MAP4K5: variants seen among roughly 807,000 people sequenced by gnomAD.
The protein encoded by MAP4K5 is MAPK/ERK kinase kinase kinase 5.
MAP4K5 carries 82 observed loss-of-function variants against 135.6 expected under a neutral mutation model. That is an observed-to-expected ratio of 0.60 (90% confidence interval 0.51 to 0.73). MAP4K5 has a LOEUF of 0.73. MAP4K5 is among the 30% of genes least tolerant of loss of function. The pLI, the probability that MAP4K5 is intolerant of heterozygous loss-of-function variation, is 0.00. For synonymous variants in MAP4K5, 347 were observed against 335.0 expected (o/e 1.04, Z -0.39); for missense variants, 907 against 1,010.9 (o/e 0.90, Z 1.39).
At chr14:50,456,327 A>G in intron 14 of MAP4K5, 189 bp downstream of exon 14, 1 of 549,690 alleles carries the variant, frequency 1.8e-6, no homozygotes. Flanking sequence ...CTGGAAAATA[A>G]AAATTATTCA....
In MAP4K5 at chr14:50,532,081, C is replaced by G. The variant is rs371876381; in HGVS notation, c.-32G>C. 1.5e-4 allele frequency: 202 copies of G among 1,351,778 alleles called. 2 individuals are homozygous for G. The East Asian group carries it at 3.1e-3, about 21-fold the overall frequency. The allele number at this position is 1,351,778 out of a possible 1,614,324, so 83.7% of individuals were successfully genotyped here. ...TTAGGGCCCGGCCCCCGCCAGCTCA[C>G]CCCGCGGCTCCCGGATTCCCGCTAA... On this transcript the variant is annotated 5_prime_UTR_variant, in exon 2 of 33. Transcript: ENST00000682126.
In MAP4K5 at chr14:50,546,688, A is replaced by C. The variant is rs542169866; in HGVS notation, c.-179-4104T>G. 2.0e-5 allele frequency among the ~76,000 whole-genome samples: 3 copies of C among 152,346 alleles called. No individual in the cohort carries two copies. The East Asian group carries it at 5.8e-4, about 29-fold the overall frequency. ...ATATTTTAAGATGTCAGAGTTTGAC[A>C]TGAAAGTTATAAGACTGTAAACCCA... On this transcript the variant is annotated intron_variant, in intron 1 of 8. Transcript: ENST00000555216.
chr14:50,498,715 G>A (rs8005228), intron 3 of MAP4K5, among the ~76,000 whole-genome samples: 2,184 of 152,270 alleles, frequency 0.014, 40 homozygotes, highest in African/African-American at 0.05. Flanking sequence ...AGAAAAGCAT[G>A]TTAAGTTTAC....
intron 1 of MAP4K5, chr14:50,560,475 C>T: frequency 3.7e-6 from 3 of 820,038 alleles, no homozygotes; most frequent in Non-Finnish European, 5.8e-6. Flanking sequence ...CGAGCGGTAC[C>T]CGCGTCACCG....
At chr14:50,450,831 G>A (rs1440298644) in intron 14 of MAP4K5, among the ~76,000 whole-genome samples, 1 of 152,072 alleles carries the variant, frequency 6.6e-6, no homozygotes, top group African/African-American at 2.4e-5. Context: ...ACTCTTTAAA[G>A]AAAGAGGATA....
intron 2 of MAP4K5, among the ~76,000 whole-genome samples, chr14:50,523,816 A>T (rs1462509783): frequency 6.6e-6 from 1 of 152,174 alleles, no homozygotes; most frequent in African/African-American, 2.4e-5. Context: ...TCTGCCCCAT[A>T]GGAGGCCTTC....
At chr14:50,465,383 A>C (rs1192731436) in intron 11 of MAP4K5, among the ~76,000 whole-genome samples, 2 of 152,204 alleles carry the variant, frequency 1.3e-5, no homozygotes, top group Non-Finnish European at 2.9e-5. Context: ...TTCTTTTATT[A>C]AATGTATGGG....
In MAP4K5 at chr14:50,467,073, T is replaced by A. The variant is rs73286570; in HGVS notation, c.675-428A>T. Among the ~76,000 whole-genome samples the A allele has an allele frequency of 9.4e-3, 1,431 of 152,252 alleles. 27 individuals carry two copies. The highest frequency in any genetic ancestry group is 0.033 in the African/African-American group (1,369 of 41,564). ...TGGGTGGGTGTATAGGCAAATTATA[T>A]CCATTTCCTGATTGTTTTCCTTTTT... On this transcript the variant is annotated intron_variant, in intron 10 of 32. Transcript: ENST00000682126.
At chr14:50,449,034 T>C in intron 14 of MAP4K5, 1 of 497,664 alleles carries the variant, frequency 2.0e-6, no homozygotes. Context: ...CTTCCTAACA[T>C]CTCTACTTAA....
intron 2 of MAP4K5, among the ~76,000 whole-genome samples, chr14:50,521,216 A>G (rs1409696867): frequency 6.6e-6 from 1 of 152,238 alleles, no homozygotes; most frequent in African/African-American, 2.4e-5. Context: ...GAAGAAGTGC[A>G]TCTGAAAACT....
chr14:50,536,724 G>A (rs562734610), upstream of MAP4K5, among the ~76,000 whole-genome samples: 18 of 152,330 alleles, frequency 1.2e-4, no homozygotes, highest in African/African-American at 4.1e-4. Context: ...CTTTTGTTAT[G>A]TTTTAGCAAA....
At chr14:50,554,849 C>A (rs1379412530) in intron 1 of MAP4K5, among the ~76,000 whole-genome samples, 2 of 152,160 alleles carry the variant, frequency 1.3e-5, no homozygotes, top group African/African-American at 4.8e-5. Context: ...TCTCTTGGTT[C>A]CCTCCCAGCT....
chr14:50,419,812 T>C lies in MAP4K5; in HGVS notation c.*207A>G. On this transcript the variant is annotated 3_prime_UTR_variant, in exon 33 of 33. Coordinates refer to ENST00000682126, the MANE Select transcript of MAP4K5 (RefSeq NM_006575.6). ...GTCTCATAGCTTTTATTAAGCAAAC[T>C]TGATATAACCACCACACAGTGGCAA... 1 of 460,186 alleles carries C rather than the reference T, an allele frequency of 2.2e-6. No individual in the cohort carries two copies. The highest frequency in any genetic ancestry group is 1.9e-5 in the African/African-American group (1 of 51,852). The allele number at this position is 460,186 out of a possible 1,614,324, so 28.5% of individuals were successfully genotyped here. A position where few individuals can be genotyped will look rare whatever the true frequency, so the allele number is the denominator to read the frequency against.
At chr14:50,420,334 C>T (rs1193990763) in intron 32 of MAP4K5, among the ~76,000 whole-genome samples, 1 of 151,896 alleles carries the variant, frequency 6.6e-6, no homozygotes, top group Admixed American at 6.6e-5. Context: ...TATCTTATTC[C>T]AACTAAAAAA....
At chr14:50,508,106 CTTCT>C (rs1272196926) in intron 2 of MAP4K5, among the ~76,000 whole-genome samples, 2 of 152,058 alleles carry the variant, frequency 1.3e-5, no homozygotes, top group African/African-American at 2.4e-5. Context: ...ATGTAATGCC[CTTCT>C]TTGTCTCTTC....
At chr14:50,436,101 T>A (rs2356247) in intron 26 of MAP4K5, among the ~76,000 whole-genome samples, 4 of 152,124 alleles carry the variant, frequency 2.6e-5, no homozygotes, top group African/African-American at 9.7e-5. Context: ...TGTAAATTCA[T>A]TGATCAAACA....
rs557479273 is a variant in MAP4K5, at chr14:50,527,642, A to T, written c.108+4300T>A. Among the ~76,000 whole-genome samples, 285 of 152,250 alleles carry T rather than the reference A, an allele frequency of 1.9e-3. 1 individual carries two copies. The highest frequency in any genetic ancestry group is 6.6e-3 in the African/African-American group (275 of 41,568). ...TAATTTTCTACAACTAATTTGTTCA[A>T]CAAATATTTATTGAGCATTTGTTTG... On this transcript the variant is annotated intron_variant, in intron 2 of 32. Coordinates refer to ENST00000682126, the MANE Select transcript of MAP4K5 (RefSeq NM_006575.6).
chr14:50,540,935 G>A (rs2038552729), intron 2 of MAP4K5, among the ~76,000 whole-genome samples: 2 of 152,110 alleles, frequency 1.3e-5, no homozygotes, highest in Non-Finnish European at 2.9e-5. Context: ...AACTCCTCTT[G>A]GCTTGTGCAA....
chr14:50,485,653 A>G lies in MAP4K5; in HGVS notation c.258-11T>C. 6.6e-7 allele frequency: 1 copy of G among 1,506,440 alleles called. No homozygotes were observed. Among genetic ancestry groups the G allele is most frequent in the Non-Finnish European group, 9.0e-7 (1 of 1,110,404 alleles). 93.3% of individuals were successfully genotyped at this position (1,506,440 alleles called of 1,614,324 possible). A position where few individuals can be genotyped will look rare whatever the true frequency, so the allele number is the denominator to read the frequency against. On this transcript the variant is annotated splice_polypyrimidine_tract_variant and intron_variant, in intron 4 of 32. Coordinates refer to ENST00000682126, the MANE Select transcript of MAP4K5 (RefSeq NM_006575.6). ...CATAGTTTTTCCCGACTAATACAAAAAAAAAAGAAAATTATATTAGCTAGT... is the reference window on the plus strand; with the variant it reads ...CATAGTTTTTCCCGACTAATACAAAGAAAAAAGAAAATTATATTAGCTAGT...
Sources: gnomAD v4.1 joint callset for allele counts (sites outside exome capture counted in the v4.1 genomes callset) on GRCh38, gnomAD v4.1.1 for gene constraint, MANE v1.5 for transcripts, NCBI Gene and HGNC (gene_info 2026-07-23, HGNC 2026-07-21) for gene names.